Variants in CELF6 observed in about 807,000 individuals in gnomAD.
CELF6 encodes the protein Bruno -like 6, RNA binding protein.
Under a neutral mutation model 53.1 loss-of-function variants are expected in CELF6, and 32 were observed. That is an observed-to-expected ratio of 0.60 (90% CI 0.46 to 0.81). CELF6 has a LOEUF of 0.81. CELF6 is among the 30% of genes least tolerant of loss of function. CELF6 has a pLI of 0.00. For synonymous variants in CELF6, 291 were observed against 288.8 expected (o/e 1.01, Z -0.08); for missense variants, 539 against 669.5 (o/e 0.81, Z 2.15).
At chr15:72,305,118 TA>T (rs988991089) in intron 2 of CELF6, among the ~76,000 whole-genome samples, 9 of 152,192 alleles carry the variant, frequency 5.9e-5, no homozygotes, top group Non-Finnish European at 1.2e-4. Flanking sequence ...TGGACTTACT[TA>T]AAGGCTTTGC....
At chr15:72,287,207 T>C in intron 12 of CELF6, 30 bp downstream of exon 12, 1 of 1,590,064 alleles carries the variant, frequency 6.3e-7, no homozygotes, top group East Asian at 2.2e-5. Context: ...CACTCAGGCC[T>C]CATCTACCTG....
At chr15:72,304,027 C>T (rs1237286927) in intron 3 of CELF6, among the ~76,000 whole-genome samples, 1 of 152,022 alleles carries the variant, frequency 6.6e-6, no homozygotes, top group Non-Finnish European at 1.5e-5. Context: ...TCCACTACCA[C>T]ACCCGGCTAA....
At position 72,319,990 on chromosome 15, in the gene CELF6, G is replaced by C. The variant is rs1051053398; in HGVS notation, c.-116C>G. The C allele has an allele frequency of 1.6e-6, 2 of 1,237,982 alleles. No individual in the cohort carries two copies. The highest frequency in any genetic ancestry group is 2.1e-6 in the Non-Finnish European group (2 of 935,166). The allele number at this position is 1,237,982 out of a possible 1,614,324, so 76.7% of individuals were successfully genotyped here. On this transcript the variant is annotated 5_prime_UTR_variant, in exon 1 of 13. Coordinates refer to ENST00000287202, the MANE Select transcript of CELF6 (RefSeq NM_052840.5). This position sits in a 1 kb window ranked among gnomAD's most constrained non-coding sequence, Gnocchi z 5.0. ...GGGGCGGAGCCCGGGCGGAGAGGGC[G>C]GGGGGCTGCCCAGGGGGCGGGGTCC...
intron 2 of CELF6, among the ~76,000 whole-genome samples, chr15:72,306,968 G>A (rs1023530033): frequency 1.3e-5 from 2 of 152,032 alleles, no homozygotes; most frequent in African/African-American, 4.8e-5. Flanking sequence ...CTGGTGGAGA[G>A]GGGAAGGAAA....
intron 3 of CELF6, among the ~76,000 whole-genome samples, chr15:72,304,514 C>T (rs1168873027): frequency 6.6e-6 from 1 of 152,172 alleles, no homozygotes; most frequent in African/African-American, 2.4e-5. Context: ...CTATCACTGG[C>T]ATCTGTTTAG....
In CELF6 at chr15:72,290,209, C is replaced by T. The variant is rs1000711792; in HGVS notation, c.441G>A (p.Glu147=). Residue 147 remains glutamate (E), a synonymous_variant, in exon 4 of 13, where the codon GAG becomes GAA. Coordinates refer to ENST00000287202, the MANE Select transcript of CELF6 (RefSeq NM_052840.5). ...FVGMLGKQQG[E]EDVRRLFQPF... ...GCTGGAACAGGCGTCTGACGTCCTC[C>T]TCACCCTGCTGCTTGCCCAGCATCC... is the stretch of plus-strand genomic sequence containing the variant. 2 of 1,613,892 alleles carry T rather than the reference C, an allele frequency of 1.2e-6. No individual in the cohort carries two copies. The highest frequency in any genetic ancestry group is 1.3e-5 in the African/African-American group (1 of 75,040).
chr15:72,316,166 GC>G (rs2088361740), intron 1 of CELF6, among the ~76,000 whole-genome samples: 1 of 152,078 alleles, frequency 6.6e-6, no homozygotes, highest in African/African-American at 2.4e-5. Context: ...GAACATATGT[GC>G]CCACACCCAG....
Position 72,288,274 on chromosome 15 carries a change from G to A in CELF6, c.1318+34C>T, listed in dbSNP as rs1179381405. On this transcript the variant is annotated intron_variant, in intron 11 of 12. Coordinates refer to ENST00000287202, the MANE Select transcript of CELF6 (RefSeq NM_052840.5). This position sits in a 1 kb window ranked among gnomAD's most constrained non-coding sequence, Gnocchi z 4.6. ...TGTAGGAAATCCTTTATAGTCAGAG[G>A]TGGGAGAGGCCTAGGGGTAGGTTCT... The A allele has an allele frequency of 6.2e-7, 1 of 1,611,224 alleles. No individual in the cohort carries two copies. The highest frequency in any genetic ancestry group is 8.5e-7 in the Non-Finnish European group (1 of 1,177,334).
chr15:72,303,538 C>G (rs2088184413), intron 3 of CELF6, among the ~76,000 whole-genome samples: 1 of 152,158 alleles, frequency 6.6e-6, no homozygotes, highest in African/African-American at 2.4e-5. Flanking sequence ...GAGAGGGGTA[C>G]AGAATTAGTA....
chr15:72,318,535 GC>G (rs1319824633), intron 1 of CELF6, among the ~76,000 whole-genome samples: 2 of 152,142 alleles, frequency 1.3e-5, no homozygotes, highest in Admixed American at 1.3e-4. Context: ...CCCTTCTCCT[GC>G]CCATGTATGA....
intron 3 of CELF6, among the ~76,000 whole-genome samples, chr15:72,301,774 T>C (rs2088158906): frequency 6.8e-6 from 1 of 148,070 alleles, no homozygotes; most frequent in Non-Finnish European, 1.5e-5. Context: ...TCTCACTCTG[T>C]CACCCAGGCT....
At position 72,315,828 on chromosome 15, in the gene CELF6, C is replaced by T. The variant is rs751092794; in HGVS notation, c.345+17G>A. ...CCAGCCTGAGGTGATTCCCACCCCCCAACCTGGAGGACTTACCCCTGGCAG... is the reference window on the plus strand; with the variant it reads ...CCAGCCTGAGGTGATTCCCACCCCCTAACCTGGAGGACTTACCCCTGGCAG... On this transcript the variant is annotated intron_variant, in intron 2 of 12. Transcript: ENST00000287202. The T allele has an allele frequency of 3.2e-6, 5 of 1,570,108 alleles. No individual in the cohort carries two copies. The East Asian group carries it at 1.1e-4, about 36-fold the overall frequency.
chr15:72,305,854 G>GT (rs557602698), intron 2 of CELF6, among the ~76,000 whole-genome samples: 19,112 of 128,396 alleles, frequency 0.15, 2,777 homozygotes, highest in African/African-American at 0.39. Context: ...GAGCTCATTT[G>GT]TTTTTTTTTT....
At position 72,288,640 on chromosome 15, in the gene CELF6, G is replaced by A; in HGVS notation, c.1094-22C>T. On this transcript the variant is annotated intron_variant, in intron 9 of 12. Transcript: ENST00000287202. This position sits in a 1 kb window ranked among gnomAD's most constrained non-coding sequence, Gnocchi z 4.6. ...GCTGCTGGAGACAGAGGTGGGAGTGGACAGTGATCCCCAGGAGCCCTTCCC... is the reference window on the plus strand; with the variant it reads ...GCTGCTGGAGACAGAGGTGGGAGTGAACAGTGATCCCCAGGAGCCCTTCCC... 6.4e-7 allele frequency: 1 copy of A among 1,551,296 alleles called. No homozygotes were observed.
rs1214015676 is a variant in CELF6 at position 72,289,168 on chromosome 15, G to T, written c.1000C>A (p.Leu334Ile). The change falls in exon 8 of 13, where the codon CTC becomes ATC. Residue 334 changes from leucine (L) to isoleucine (I), a missense_variant. Around this residue, in one of 3 missense-constraint regions of CELF6, gnomAD observed 358 missense variants for 412.8 expected, o/e 0.87. Coordinates refer to ENST00000287202, the MANE Select transcript of CELF6 (RefSeq NM_052840.5). This position sits in a 1 kb window ranked among gnomAD's most constrained non-coding sequence, Gnocchi z 7.6. ...QTNGQPGSDT[L>I]YNNGLSPYPA... ...TAAGGGGAGAGCCCGTTATTGTAGA[G>T]CGTGTCGGAGCCCGGCTGGCCATTG... The T allele has an allele frequency of 2.6e-6, 4 of 1,556,122 alleles. No individual in the cohort carries two copies.
chr15:72,290,298 C>A, intron 3 of CELF6, 43 bp from the exon 4 acceptor site: 1 of 1,594,284 alleles, frequency 6.3e-7, no homozygotes. Flanking sequence ...CCAAGTCTTC[C>A]TAGACCCCCG....
Position 72,289,915 on chromosome 15 carries a change from T to G in CELF6, c.603+24A>C. On this transcript the variant is annotated intron_variant, in intron 5 of 12. Transcript: ENST00000287202. This position sits in a 1 kb window ranked among gnomAD's most constrained non-coding sequence, Gnocchi z 7.6. ...CGTCCCCACCCCACTGGCCTCACCCTCAGCCCAGGGAACCCGCCCTCACCG... is the reference window on the plus strand; with the variant it reads ...CGTCCCCACCCCACTGGCCTCACCCGCAGCCCAGGGAACCCGCCCTCACCG... 6.5e-7 allele frequency: 1 copy of G among 1,547,126 alleles called. No individual in the cohort carries two copies. The highest frequency in any genetic ancestry group is 1.2e-5 in the South Asian group (1 of 84,330).
chr15:72,293,571 G>A (rs1160298069), intron 3 of CELF6, among the ~76,000 whole-genome samples: 2 of 152,222 alleles, frequency 1.3e-5, no homozygotes, highest in Non-Finnish European at 2.9e-5. Flanking sequence ...TTCCTGGAGT[G>A]GAAAGTATTA....
Position 72,315,854 on chromosome 15 carries a change from G to A in CELF6, c.336C>T (p.Thr112=). The change falls in exon 2 of 13, where the codon ACC becomes ACT. Residue 112 remains threonine (T), a synonymous_variant. Transcript: ENST00000287202. Reference sequence around the variant, plus strand: ...AACCTGGAGGACTTACCCCTGGCAGGGTCTTCTGCTCGTGCAGTGCACTCT... The same window carrying A: ...AACCTGGAGGACTTACCCCTGGCAGAGTCTTCTGCTCGTGCAGTGCACTCT... ...KAQSALHEQK[T]LPGMNRPIQV... 1 of 1,600,116 alleles carries A rather than the reference G, an allele frequency of 6.2e-7. No homozygotes were observed. Among genetic ancestry groups the A allele is most frequent in the East Asian group, 2.3e-5 (1 of 44,416 alleles).
Sources: gnomAD v4.1 joint callset for allele counts (sites outside exome capture counted in the v4.1 genomes callset) on GRCh38, gnomAD v4.1.1 for gene constraint, gnomAD v4.1.1 regional missense constraint, Gnocchi (gnomAD v3.1) non-coding constraint, MANE v1.5 for transcripts, NCBI Gene and HGNC (gene_info 2026-07-23, HGNC 2026-07-21) for gene names.